Variants in CGNL1 observed in about 807,000 individuals in gnomAD.
CGNL1 encodes cingulin-like protein 1.
CGNL1 carries 132 observed loss-of-function variants against 141.2 expected under a neutral mutation model. The ratio of observed to expected loss-of-function variants is 0.93; its 90% CI spans 0.81 to 1.08. CGNL1 has a LOEUF of 1.08. Among genes scored for constraint, CGNL1 ranks in the 50% least tolerant of loss-of-function variants. The pLI is 0.00. For missense variants in CGNL1, 1,870 were observed against 1,588.6 expected (o/e 1.18, Z -3.01); for synonymous variants, 690 against 622.1 (o/e 1.11, Z -1.63).
intron 8 of CGNL1, among the ~76,000 whole-genome samples, chr15:57,492,062 T>G (rs545819508): frequency 2.0e-4 from 31 of 152,302 alleles, no homozygotes; most frequent in Admixed American, 3.9e-4. Flanking sequence ...GAAAGCTCAC[T>G]TCCAGATATT....
rs543350766 is a variant in CGNL1, at chr15:57,406,322, G to T, written c.-16+29755G>T. Among the ~76,000 whole-genome samples, 66 of 152,316 alleles carry T rather than the reference G, an allele frequency of 4.3e-4. No individual in the cohort carries two copies. In the Middle Eastern group the frequency reaches 0.01, roughly 24 times the overall value. On this transcript the variant is annotated intron_variant, in intron 1 of 18. Transcript: ENST00000281282. Reference sequence around the variant, plus strand: ...GCATGAAGCATAAGAGCAGGAGGCTGCTGGGTGTGTTCTGGGAACAGCAAG... The same window carrying T: ...GCATGAAGCATAAGAGCAGGAGGCTTCTGGGTGTGTTCTGGGAACAGCAAG...
At chr15:57,434,954 C>A (rs950344952) in intron 1 of CGNL1, among the ~76,000 whole-genome samples, 3 of 151,862 alleles carry the variant, frequency 2.0e-5, no homozygotes, top group Non-Finnish European at 2.9e-5. Context: ...TAATATAACA[C>A]AAAAGGAAGA....
At chr15:57,528,618 A>G (rs759043441) in intron 12 of CGNL1, 36 bp from the exon 13 acceptor site, 4 of 1,610,404 alleles carry the variant, frequency 2.5e-6, no homozygotes, top group Non-Finnish European at 3.4e-6. Context: ...CTCTTGATGC[A>G]CCCCAGAAAA....
chr15:57,513,198 T>C (rs2414509), intron 8 of CGNL1, among the ~76,000 whole-genome samples: 25,233 of 151,774 alleles, frequency 0.17, 2,222 homozygotes, highest in South Asian at 0.26. Context: ...ATCACTAATC[T>C]ATTTTCTGTC....
At position 57,544,524 on chromosome 15, in the gene CGNL1, A is replaced by C. The variant is rs1211212529; in HGVS notation, c.3427A>C (p.Ser1143Arg). 1 of 1,613,108 alleles carries C rather than the reference A, an allele frequency of 6.2e-7. No individual in the cohort carries two copies. The highest frequency in any genetic ancestry group is 1.3e-5 in the African/African-American group (1 of 74,940). ...CCACCTGGAAGGTTCCTACAGGTCC[A>C]GCAAAGAGGGGCTGGTTGTGCAGAT... ...IIHLEGSYRS[S>R]KEGLVVQMEA... is the part of the protein sequence containing the mutation. Residue 1143 changes from serine to arginine, a missense_variant, in exon 16 of 19, where the codon AGC (serine) becomes CGC (arginine). Physicochemically the swap from Ser to Arg is moderately radical, Grantham distance 110 (BLOSUM62 -1). Coordinates refer to ENST00000281282, the MANE Select transcript of CGNL1 (RefSeq NM_032866.5).
intron 8 of CGNL1, among the ~76,000 whole-genome samples, chr15:57,491,063 T>A (rs1282422305): frequency 6.6e-6 from 1 of 151,924 alleles, no homozygotes; most frequent in Admixed American, 6.6e-5. Flanking sequence ...GTATCCTGAG[T>A]GGGATCAAGA....
At position 57,438,329 on chromosome 15, in the gene CGNL1, G is replaced by A. The variant is rs746289208; in HGVS notation, c.330G>A (p.Gln110=). The A allele has an allele frequency of 5.0e-6, 8 of 1,614,070 alleles. No homozygotes were observed. The highest frequency in any genetic ancestry group is 6.8e-6 in the Non-Finnish European group (8 of 1,180,024). The part of the protein sequence containing the change: ...ELQLPENPYA[Q]PSPIRNLKQP... The stretch of plus-strand genomic sequence containing the variant: ...AGCTTCCAGAAAACCCATACGCCCA[G>A]CCTAGCCCAATAAGAAACCTGAAAC... Residue 110 remains glutamine (Q), a synonymous_variant, in exon 2 of 19, where the codon CAG becomes CAA. Coordinates refer to ENST00000281282, the MANE Select transcript of CGNL1 (RefSeq NM_032866.5).
intron 1 of CGNL1, among the ~76,000 whole-genome samples, chr15:57,405,772 C>CTCTTTCTTTCTTTCTTTCTT (rs201323807): frequency 4.3e-4 from 53 of 123,492 alleles, no homozygotes; most frequent in African/African-American, 1.6e-3. Flanking sequence ...TTCTTTCTTT[C>CTCTTTCTTTCTTTCTTTCTT]TCTTTCTTTC....
intron 8 of CGNL1, among the ~76,000 whole-genome samples, chr15:57,462,874 A>G (rs1407258643): frequency 6.6e-6 from 1 of 151,256 alleles, no homozygotes; most frequent in African/African-American, 2.4e-5. Flanking sequence ...TCCCTGTCTT[A>G]TTTTTTTTTA....
chr15:57,491,617 C>T (rs770201931), intron 8 of CGNL1, among the ~76,000 whole-genome samples: 7 of 152,112 alleles, frequency 4.6e-5, no homozygotes, highest in South Asian at 2.1e-4. Context: ...TCCCTGTACT[C>T]GAAGATGCTC....
intron 8 of CGNL1, among the ~76,000 whole-genome samples, chr15:57,463,196 T>C (rs1283225856): frequency 6.6e-6 from 1 of 152,186 alleles, no homozygotes; most frequent in Non-Finnish European, 1.5e-5. Flanking sequence ...GTGATTTAAG[T>C]ATAAGGAAAA....
rs1482690810 is a variant in CGNL1, at chr15:57,407,817, C to T, written c.-15-30168C>T. On this transcript the variant is annotated intron_variant, in intron 1 of 18. Transcript: ENST00000281282. ...AGGCTGGAGTACAGTGGCATGATCT[C>T]GGCTCACTGCAACCTCCGTCTCCTG... Among the ~76,000 whole-genome samples, 5 of 148,206 alleles carry T rather than the reference C, an allele frequency of 3.4e-5. 1 individual carries two copies. The East Asian group carries it at 7.9e-4, about 23-fold the overall frequency.
chr15:57,439,615 G>A lies in CGNL1; in HGVS notation c.1602+14G>A, dbSNP rs376614132. 3.7e-6 allele frequency: 6 copies of A among 1,603,332 alleles called. No individual in the cohort carries two copies. The African/African-American group carries it at 8.1e-5, about 22-fold the overall frequency. Reference sequence around the variant, plus strand: ...TCAAATACTCAGGTAACACTAGTGCGATTCCTGTTTGGTTTTTTTTCTCTT... The same window carrying A: ...TCAAATACTCAGGTAACACTAGTGCAATTCCTGTTTGGTTTTTTTTCTCTT... On this transcript the variant is annotated intron_variant, in intron 2 of 18. Coordinates refer to ENST00000281282, the MANE Select transcript of CGNL1 (RefSeq NM_032866.5).
rs117717794 is a variant in CGNL1, at chr15:57,430,743, G to A, written c.-15-7242G>A. On this transcript the variant is annotated intron_variant, in intron 1 of 18. Coordinates refer to ENST00000281282, the MANE Select transcript of CGNL1 (RefSeq NM_032866.5). ...GACTCCACATTTTCTTTTTTGAGAT[G>A]GAGTCTCACTCTGTTGCCCAGGCTG... 5.5e-3 allele frequency among the ~76,000 whole-genome samples: 833 copies of A among 152,132 alleles called. 19 individuals carry two copies. In the East Asian group the frequency reaches 0.059, roughly 11 times the overall value.
In CGNL1 at chr15:57,380,919, C is replaced by T. The variant is rs145329761; in HGVS notation, c.-16+4352C>T. ...GCCGCAGCTGCAGCACTTTTTGGAG[C>T]AAGTGGTTGGGTTTGTATCTATGGC... is the stretch of plus-strand genomic sequence containing the variant. On this transcript the variant is annotated intron_variant, in intron 1 of 18. Transcript: ENST00000281282. Among the ~76,000 whole-genome samples the T allele has an allele frequency of 7.8e-3, 1,187 of 152,268 alleles. 14 individuals are homozygous for T. The highest frequency in any genetic ancestry group is 0.027 in the African/African-American group (1,136 of 41,550).
At chr15:57,379,556 A>T (rs1567083335) in intron 1 of CGNL1, among the ~76,000 whole-genome samples, 1 of 152,118 alleles carries the variant, frequency 6.6e-6, no homozygotes, top group Non-Finnish European at 1.5e-5. Context: ...TCCCCGTGAA[A>T]CCCATTTATC....
Position 57,547,459 on chromosome 15 carries a change from C to G in CGNL1, c.3878C>G (p.Ser1293Cys), listed in dbSNP as rs1210430383. ...LYEAPVSYTF[S>C]KDSTVASQI is the part of the protein sequence containing the mutation. ...GAGGCGCCTGTGAGCTACACATTCTCCAAGGACAGCACCGTCGCCAGCCAG... is the reference window on the plus strand; with the variant it reads ...GAGGCGCCTGTGAGCTACACATTCTGCAAGGACAGCACCGTCGCCAGCCAG... Residue 1293 changes from serine (S) to cysteine (C), a missense_variant, in exon 19 of 19, where the codon TCC (serine) becomes TGC (cysteine). Physicochemically the swap from Ser to Cys is moderately radical, Grantham distance 112 (BLOSUM62 -1). Transcript: ENST00000281282. The G allele has an allele frequency of 6.2e-7, 1 of 1,614,170 alleles. No homozygotes were observed. The highest frequency in any genetic ancestry group is 8.5e-7 in the Non-Finnish European group (1 of 1,180,000).
chr15:57,495,805 G>T (rs1244388004), intron 8 of CGNL1, among the ~76,000 whole-genome samples: 1 of 152,166 alleles, frequency 6.6e-6, no homozygotes, highest in East Asian at 1.9e-4. Context: ...TAAAGCATTA[G>T]GTCCCAGTGC....
intron 1 of CGNL1, among the ~76,000 whole-genome samples, chr15:57,405,330 C>T (rs2062703838): frequency 6.6e-6 from 1 of 152,172 alleles, no homozygotes; most frequent in South Asian, 2.1e-4. Context: ...TGCTTTCTAT[C>T]TCACACTCTG....
Sources: allele counts gnomAD v4.1 joint callset (sites outside exome capture counted in the v4.1 genomes callset), GRCh38; gene constraint gnomAD v4.1.1; transcripts MANE v1.5; gene names NCBI Gene and HGNC (gene_info 2026-07-23, HGNC 2026-07-21).